Variants in ITPR2 observed in about 807,000 individuals in gnomAD.
ITPR2 encodes the protein inositol 1,4,5-trisphosphate receptor type 2.
Under a neutral mutation model 317.1 loss-of-function variants are expected in ITPR2, and 207 were observed. That is an observed-to-expected ratio of 0.65 (90% CI 0.58 to 0.73). The LOEUF (loss-of-function observed/expected upper bound fraction) is 0.73, where lower values mean the gene tolerates loss of function less well. ITPR2 is among the 30% of genes least tolerant of loss of function. ITPR2 has a pLI of 0.00. For missense variants in ITPR2, 2,613 were observed against 3,284.0 expected (o/e 0.80, Z 4.99); for synonymous variants, 1,156 against 1,149.1 (o/e 1.01, Z -0.12).
chr12:26,638,588 C>T (rs1041886021), intron 21 of ITPR2, among the ~76,000 whole-genome samples: 3 of 152,126 alleles, frequency 2.0e-5, no homozygotes, highest in Admixed American at 2.0e-4. Flanking sequence ...AGTGATTATG[C>T]CAAAGAATAC....
At position 26,336,086 on chromosome 12, in the gene ITPR2, C is replaced by T. The variant is rs554279481; in HGVS notation, c.*3311G>A. 3.9e-5 allele frequency among the ~76,000 whole-genome samples: 6 copies of T among 152,216 alleles called. No homozygotes were observed. The highest frequency in any genetic ancestry group is 1.9e-4 in the East Asian group (1 of 5,188). On this transcript the variant is annotated 3_prime_UTR_variant, in exon 57 of 57. Coordinates refer to ENST00000381340, the MANE Select transcript of ITPR2 (RefSeq NM_002223.4). ...TGCCTGTGCAATATTTACTTGCTTA[C>T]GTCCAATCTACTGGGTCCCTGAAGA...
In ITPR2 at chr12:26,599,265, T is replaced by C. The variant is rs2136736254; in HGVS notation, c.3882A>G (p.Gln1294=). 6.2e-7 allele frequency: 1 copy of C among 1,614,072 alleles called. No homozygotes were observed. Among genetic ancestry groups the C allele is most frequent in the Non-Finnish European group, 8.5e-7 (1 of 1,179,938 alleles). Residue 1294 remains glutamine (Q), a synonymous_variant, in exon 30 of 57, where the codon CAA becomes CAG. Transcript: ENST00000381340. ...GTGTCTCAATGCAGTGCACAAAGTG[T>C]TGTACAACTCTCTCGCTAATTTCGT... ...LCNEISERVV[Q]HFVHCIETHG... is the part of the protein sequence containing the mutation.
chr12:26,645,970 CTTT>C (rs777192053), intron 21 of ITPR2, among the ~76,000 whole-genome samples: 3 of 119,014 alleles, frequency 2.5e-5, no homozygotes, highest in South Asian at 2.7e-4. Flanking sequence ...TCTTTCTTTC[CTTT>C]TTTTTTTTTT....
intron 52 of ITPR2, 65 bp from the exon 53 acceptor site, chr12:26,400,323 T>C (rs947962432): frequency 2.2e-6 from 2 of 905,426 alleles, no homozygotes; most frequent in African/African-American, 3.4e-5. Flanking sequence ...AAAATACACA[T>C]AAAATGAAAT....
intron 55 of ITPR2, among the ~76,000 whole-genome samples, chr12:26,362,886 G>A (rs1055354765): frequency 6.6e-6 from 1 of 152,100 alleles, no homozygotes. Flanking sequence ...GGTGATCTTG[G>A]GCAAGTCTTA....
intron 1 of ITPR2, among the ~76,000 whole-genome samples, chr12:26,811,036 C>CAAAAAAAAAA (rs79796097): frequency 2.8e-5 from 3 of 108,288 alleles, no homozygotes; most frequent in African/African-American, 7.7e-5. Context: ...TTTTAAGTTA[C>CAAAAAAAAAA]AAAAAAAAAA....
chr12:26,490,404 C>T (rs770572582), intron 39 of ITPR2, among the ~76,000 whole-genome samples: 4 of 152,224 alleles, frequency 2.6e-5, no homozygotes, highest in African/African-American at 4.8e-5. Flanking sequence ...ATTGACTGAA[C>T]CCCAAGATTG....
At chr12:26,745,678 G>A (rs546295099) in intron 2 of ITPR2, among the ~76,000 whole-genome samples, 2 of 152,298 alleles carry the variant, frequency 1.3e-5, no homozygotes, top group African/African-American at 4.8e-5. Flanking sequence ...TGGTTTCAGA[G>A]AGACAGAGAG....
chr12:26,413,053 G>C (rs545006608), intron 51 of ITPR2, among the ~76,000 whole-genome samples: 11 of 152,304 alleles, frequency 7.2e-5, no homozygotes, highest in Admixed American at 2.0e-4. Flanking sequence ...ACAGGAGGAT[G>C]GCGCTGAAAA....
chr12:26,689,211 G>A (rs892114475), intron 10 of ITPR2, among the ~76,000 whole-genome samples: 1 of 152,154 alleles, frequency 6.6e-6, no homozygotes, highest in African/African-American at 2.4e-5. Flanking sequence ...GAGCTCAGGA[G>A]TTCAAGACCA....
At chr12:26,656,663 T>C (rs1947375077) in intron 18 of ITPR2, 115 bp from the exon 19 acceptor site, 2 of 1,082,768 alleles carry the variant, frequency 1.8e-6, no homozygotes, top group Admixed American at 2.3e-5. Context: ...ATTCATGATA[T>C]TGGAGTCAAA....
intron 26 of ITPR2, among the ~76,000 whole-genome samples, chr12:26,616,194 G>A (rs1361994538): frequency 1.3e-5 from 2 of 151,992 alleles, no homozygotes; most frequent in South Asian, 2.1e-4. Flanking sequence ...CTGGAGTGCA[G>A]TGGTGCAATC....
chr12:26,565,484 T>TGATAGATAGATAGATA (rs75320702), intron 34 of ITPR2, among the ~76,000 whole-genome samples: 22 of 138,852 alleles, frequency 1.6e-4, no homozygotes, highest in Admixed American at 5.0e-4. Flanking sequence ...GATAGACAGA[T>TGATAGATAGATAGATA]GATAGATAGA....
chr12:26,589,289 T>G (rs1945623911), intron 32 of ITPR2, among the ~76,000 whole-genome samples: 1 of 152,108 alleles, frequency 6.6e-6, no homozygotes, highest in South Asian at 2.1e-4. Flanking sequence ...AAGATTTTCT[T>G]GTATGGGTCT....
At chr12:26,753,250 C>G (rs1162163089) in intron 2 of ITPR2, among the ~76,000 whole-genome samples, 1 of 152,170 alleles carries the variant, frequency 6.6e-6, no homozygotes, top group Non-Finnish European at 1.5e-5. Context: ...AGGCCTCTCT[C>G]AGTAAAGTCC....
At chr12:26,348,756 G>A (rs1938384594) in intron 55 of ITPR2, among the ~76,000 whole-genome samples, 1 of 152,176 alleles carries the variant, frequency 6.6e-6, no homozygotes, top group Non-Finnish European at 1.5e-5. Flanking sequence ...TGGGAGCCAA[G>A]GTGGGAGGAC....
chr12:26,814,587 TTA>T (rs1242854116), intron 1 of ITPR2, among the ~76,000 whole-genome samples: 1 of 152,148 alleles, frequency 6.6e-6, no homozygotes, highest in African/African-American at 2.4e-5. Flanking sequence ...CATCAAGAAT[TTA>T]TGTTAGCTAA....
intron 55 of ITPR2, among the ~76,000 whole-genome samples, chr12:26,375,809 A>G (rs938409920): frequency 6.6e-5 from 10 of 152,232 alleles, no homozygotes; most frequent in African/African-American, 2.4e-4. Context: ...GCACTTTTCT[A>G]TTCTCCTGGG....
chr12:26,411,447 C>G (rs1291273594), intron 51 of ITPR2, 35 bp from the exon 52 acceptor site: 1 of 1,374,766 alleles, frequency 7.3e-7, no homozygotes, highest in African/African-American at 1.4e-5. Flanking sequence ...AATATAGAGT[C>G]AAATATGCAC....
Sources: gnomAD v4.1 joint callset for allele counts (sites outside exome capture counted in the v4.1 genomes callset) on GRCh38, gnomAD v4.1.1 for gene constraint, MANE v1.5 for transcripts, NCBI Gene and HGNC (gene_info 2026-07-23, HGNC 2026-07-21) for gene names.